CEP290: variants seen among roughly 807,000 people sequenced by gnomAD.
CEP290 encodes the protein centrosomal protein of 290 kDa.
Under a neutral mutation model 344.9 loss-of-function variants are expected in CEP290, and 317 were observed. The ratio of observed to expected loss-of-function variants is 0.92; its 90% CI spans 0.84 to 1.01. The LOEUF (loss-of-function observed/expected upper bound fraction) is 1.01. CEP290 is among the 50% of genes least tolerant of loss of function. CEP290 has a pLI of 0.00. For synonymous variants in CEP290, 932 were observed against 895.8 expected, an observed-to-expected ratio of 1.04 and a Z score of -0.72; for missense variants, 2,754 against 2,761.4, an observed-to-expected ratio of 1.00 and a Z score of 0.06.
intron 11 of CEP290, among the ~76,000 whole-genome samples, chr12:88,126,846 T>C (rs2039761537): frequency 6.6e-6 from 1 of 152,050 alleles, no homozygotes; most frequent in Admixed American, 6.5e-5. Context: ...GTTCTTTAGC[T>C]AGAAGGACCA....
intron 6 of CEP290, among the ~76,000 whole-genome samples, chr12:88,133,555 T>C (rs1052960289): frequency 2.0e-5 from 3 of 152,184 alleles, no homozygotes; most frequent in Non-Finnish European, 4.4e-5. Context: ...AAATGATTTA[T>C]ATTCTTTTGG....
chr12:88,077,873 C>T lies in CEP290; in HGVS notation c.5410G>A (p.Ala1804Thr). ...LNENLLKLKEALKTSKNRENS... is the reference protein window; with the variant it reads ...LNENLLKLKETLKTSKNRENS... ...TCTCTGTTTTTACTTGTTTTAAGTGCTTCTTTCAATTTTAAAAGATTTTCA... is the reference window on the plus strand; with the variant it reads ...TCTCTGTTTTTACTTGTTTTAAGTGTTTCTTTCAATTTTAAAAGATTTTCA... Residue 1804 changes from alanine to threonine, a missense_variant, in exon 40 of 54, where the codon GCA (alanine) becomes ACA (threonine). Physicochemically the swap from Ala to Thr is moderately conservative, Grantham distance 58. Coordinates refer to ENST00000552810, the MANE Select transcript of CEP290 (RefSeq NM_025114.4). The T allele has an allele frequency of 7.1e-7, 1 of 1,411,848 alleles. No individual in the cohort carries two copies. Among genetic ancestry groups the T allele is most frequent in the Non-Finnish European group, 9.6e-7 (1 of 1,041,332 alleles). The allele number at this position is 1,411,848 out of a possible 1,614,324, so 87.5% of individuals were successfully genotyped here. A position where few individuals can be genotyped will look rare whatever the true frequency, so the allele number is the denominator to read the frequency against.
chr12:88,068,460 A>T, intron 44 of CEP290, 62 bp downstream of exon 44: 1 of 1,147,762 alleles, frequency 8.7e-7, no homozygotes, highest in East Asian at 3.0e-5. Context: ...AAAGAAGTTG[A>T]TTTCACTTTC....
chr12:88,114,101 C>T (rs2038892181), intron 20 of CEP290, among the ~76,000 whole-genome samples: 1 of 151,814 alleles, frequency 6.6e-6, no homozygotes, highest in Non-Finnish European at 1.5e-5. Flanking sequence ...AAGGAAAATC[C>T]CAATAAGAAA....
chr12:88,053,773 A>C (rs573347891), intron 51 of CEP290, 27 bp from the exon 52 acceptor site: 4 of 1,191,312 alleles, frequency 3.4e-6, no homozygotes, highest in Non-Finnish European at 3.6e-6. Flanking sequence ...ATGTGTTAAA[A>C]AAATAAAGCA....
chr12:88,118,342 T>C (rs1475664180), intron 17 of CEP290, 141 bp downstream of exon 17: 2 of 669,206 alleles, frequency 3.0e-6, no homozygotes, highest in African/African-American at 1.8e-5. Flanking sequence ...ACTTATCTCC[T>C]TCAGGTTATT....
intron 6 of CEP290, among the ~76,000 whole-genome samples, chr12:88,133,569 T>A (rs1169980022): frequency 6.6e-6 from 1 of 152,210 alleles, no homozygotes; most frequent in African/African-American, 2.4e-5. Flanking sequence ...CTTTTGGGTA[T>A]ATACCCAGTA....
chr12:88,121,496 T>G (rs1457144260), intron 13 of CEP290, among the ~76,000 whole-genome samples: 1 of 152,022 alleles, frequency 6.6e-6, no homozygotes, highest in Non-Finnish European at 1.5e-5. Flanking sequence ...AAACTATGGA[T>G]TTTTAGCTTG....
chr12:88,069,890 T>G (rs1397744821), intron 43 of CEP290, among the ~76,000 whole-genome samples: 1 of 152,226 alleles, frequency 6.6e-6, no homozygotes, highest in Admixed American at 6.5e-5. Context: ...ACAGATCATT[T>G]GTAAATGCAA....
rs1000099371 is a variant in CEP290 at position 88,118,517 on chromosome 12, C to G, written c.1677G>C (p.Met559Ile). 7.0e-6 allele frequency: 11 copies of G among 1,569,450 alleles called. No individual in the cohort carries two copies. The Admixed American group carries it at 1.7e-4, about 24-fold the overall frequency. ...RLDLKKKIRQ[M>I]AQERGKRSAT... ...CACTTCTTTTTCCTCTTTCTTGAGC[C>G]ATTTGACGAATTTTTTTTTTCAGAT... The change falls in exon 17 of 54, where the codon ATG becomes ATC. Residue 559 changes from methionine to isoleucine, a missense_variant. Met to Ile is a conservative substitution (Grantham distance 10). Coordinates refer to ENST00000552810, the MANE Select transcript of CEP290 (RefSeq NM_025114.4).
At chr12:88,099,430 T>A (rs2037705923) in intron 26 of CEP290, among the ~76,000 whole-genome samples, 1 of 152,178 alleles carries the variant, frequency 6.6e-6, no homozygotes, top group African/African-American at 2.4e-5. Context: ...GCTGGCGATA[T>A]AACATAAATA....
intron 30 of CEP290, 129 bp from the exon 31 acceptor site, chr12:88,089,616 TA>T (rs2036864527): frequency 1.7e-6 from 1 of 581,626 alleles, no homozygotes; most frequent in Admixed American, 3.7e-5. Flanking sequence ...TACAAAAATG[TA>T]ACTTTGCTTT....
In CEP290 at chr12:88,049,016, T is replaced by TAA; in HGVS notation, c.*166_*167dup. The TAA allele has an allele frequency of 2.4e-6, 1 of 424,646 alleles. No homozygotes were observed. Among genetic ancestry groups the TAA allele is most frequent in the South Asian group, 8.9e-5 (1 of 11,202 alleles). 26.3% of individuals were successfully genotyped at this position (424,646 alleles called of 1,614,324 possible). On this transcript the variant is annotated 3_prime_UTR_variant, in exon 54 of 54. Transcript: ENST00000552810. ...AGTCTTCAAGTATATACTTTTATAA[T>TAA]AAGTTGAAAATTTCATATAATTTTA...
In CEP290 at chr12:88,103,003, G is replaced by C. The variant is rs1456663660; in HGVS notation, c.2826C>G (p.Ala942=). The stretch of plus-strand genomic sequence containing the variant: ...TTTGGAGAGCTGCAATCTTGAAAAT[G>C]GCCATTTCCTATGTAAATAAAGATA... ...IGCLQRFKEM[A]IFKIAALQKV... The change falls in exon 26 of 54, where the codon GCC becomes GCG. Residue 942 remains alanine (A), a synonymous_variant. Coordinates refer to ENST00000552810, the MANE Select transcript of CEP290 (RefSeq NM_025114.4). 1 of 1,544,252 alleles carries C rather than the reference G, an allele frequency of 6.5e-7. No homozygotes were observed. The highest frequency in any genetic ancestry group is 8.7e-7 in the Non-Finnish European group (1 of 1,153,046).
At position 88,125,314 on chromosome 12, in the gene CEP290, T is replaced by A; in HGVS notation, c.1121A>T (p.Tyr374Phe). 7.8e-7 allele frequency: 1 copy of A among 1,279,274 alleles called. No individual in the cohort carries two copies. The highest frequency in any genetic ancestry group is 1.0e-6 in the Non-Finnish European group (1 of 968,368). 79.2% of individuals were successfully genotyped at this position (1,279,274 alleles called of 1,614,324 possible). Residue 374 changes from tyrosine (Y) to phenylalanine (F), a missense_variant, in exon 13 of 54, where the codon TAT (tyrosine) becomes TTT (phenylalanine). Physicochemically the swap from Tyr to Phe is conservative, Grantham distance 22 (BLOSUM62 3). Transcript: ENST00000552810. ...AGTATTCTTTTCCATTTCTTTTGTATATTGTTCTACTTGTTCGGTGAGCAT... is the reference window on the plus strand; with the variant it reads ...AGTATTCTTTTCCATTTCTTTTGTAAATTGTTCTACTTGTTCGGTGAGCAT... The part of the protein sequence containing the change: ...IKMLTEQVEQ[Y>F]TKEMEKNTCI...
intron 26 of CEP290, among the ~76,000 whole-genome samples, chr12:88,098,707 T>A (rs2037647965): frequency 6.6e-6 from 1 of 152,202 alleles, no homozygotes; most frequent in Admixed American, 6.5e-5. Context: ...TTGAAGGATG[T>A]CTTAACCACC....
chr12:88,086,335 T>C, intron 33 of CEP290, 56 bp downstream of exon 33: 2 of 1,457,310 alleles, frequency 1.4e-6, no homozygotes, highest in South Asian at 1.4e-5. Context: ...AATATTTCTG[T>C]GAGTTAACAC....
At chr12:88,128,620 A>T (rs1279461073) in intron 11 of CEP290, among the ~76,000 whole-genome samples, 1 of 152,170 alleles carries the variant, frequency 6.6e-6, no homozygotes, top group African/African-American at 2.4e-5. Flanking sequence ...TAATGTATAT[A>T]AGGTAACTAT....
chr12:88,135,208 G>A lies in CEP290; in HGVS notation c.441+1435C>T, dbSNP rs1592688461. Among the ~76,000 whole-genome samples the A allele has an allele frequency of 3.3e-5, 5 of 152,172 alleles. 1 individual carries two copies. In the Middle Eastern group the frequency reaches 0.017, roughly 518 times the overall value. ...TAACGGCAAAGAAGTAATTGCCAAA[G>A]CAACCCATACCCATATTTCATCTCA... is the stretch of plus-strand genomic sequence containing the variant. On this transcript the variant is annotated intron_variant, in intron 6 of 53. Coordinates refer to ENST00000552810, the MANE Select transcript of CEP290 (RefSeq NM_025114.4).
Sources: gnomAD v4.1 joint callset for allele counts (sites outside exome capture counted in the v4.1 genomes callset) on GRCh38, gnomAD v4.1.1 for gene constraint, MANE v1.5 for transcripts, NCBI Gene and HGNC (gene_info 2026-07-23, HGNC 2026-07-21) for gene names.